Variants in FSTL4 observed in about 807,000 individuals in gnomAD.
FSTL4 encodes follistatin-related protein 4.
Under a neutral mutation model 78.2 loss-of-function variants are expected in FSTL4, and 28 were observed. That is an observed-to-expected ratio of 0.36 (90% confidence interval 0.27 to 0.49). FSTL4 has a LOEUF of 0.49. Ranked by LOEUF, FSTL4 falls within the 20% of genes least tolerant of loss-of-function variation. The pLI is 0.98. For missense variants in FSTL4, 922 were observed against 1,084.9 expected, an observed-to-expected ratio of 0.85 and a Z score of 2.11; for synonymous variants, 422 against 440.5, an observed-to-expected ratio of 0.96 and a Z score of 0.53.
intron 6 of FSTL4, among the ~76,000 whole-genome samples, chr5:133,309,628 C>A (rs1753731133): frequency 6.6e-6 from 1 of 152,080 alleles, no homozygotes. Flanking sequence ...GCAAGCATGG[C>A]CCAGCCAGGG....
the FSTL4 span, among the ~76,000 whole-genome samples, chr5:133,736,509 T>C: frequency 6.6e-6 from 1 of 152,054 alleles, no homozygotes; most frequent in East Asian, 1.9e-4. Context: ...AAAAGAAAAT[T>C]ATTTTGAAAC....
At chr5:133,817,424 G>A in the FSTL4 span, among the ~76,000 whole-genome samples, 1 of 150,240 alleles carries the variant, frequency 6.7e-6, no homozygotes. Flanking sequence ...TACCAGGTGT[G>A]GTGACAGTAA....
the FSTL4 span, among the ~76,000 whole-genome samples, chr5:133,699,880 CAAAA>C: frequency 1.6e-5 from 1 of 62,464 alleles, no homozygotes; most frequent in South Asian, 7.3e-4. Context: ...GACTCCATCT[CAAAA>C]AAAAAAAAAA....
intron 6 of FSTL4, among the ~76,000 whole-genome samples, chr5:133,276,293 C>G (rs10067533): frequency 0.11 from 16,016 of 152,202 alleles, 2,722 homozygotes; most frequent in African/African-American, 0.36. Context: ...ATGCTGGACC[C>G]CAGTGGAGAG....
chr5:133,780,021 T>G, the FSTL4 span, among the ~76,000 whole-genome samples: 1 of 152,074 alleles, frequency 6.6e-6, no homozygotes, highest in Non-Finnish European at 1.5e-5. Flanking sequence ...TGGGGAGCCC[T>G]GGAAACAGCA....
intron 3 of FSTL4, among the ~76,000 whole-genome samples, chr5:133,408,278 C>T (rs1360495794): frequency 1.3e-5 from 2 of 152,078 alleles, no homozygotes; most frequent in Non-Finnish European, 2.9e-5. Flanking sequence ...TTTCTCAATA[C>T]CACCCAAATC....
chr5:133,818,934 TATATATATATATGTAC>T, the FSTL4 span, among the ~76,000 whole-genome samples: 1 of 117,228 alleles, frequency 8.5e-6, no homozygotes, highest in African/African-American at 3.4e-5. Flanking sequence ...GAAGATACTA[TATATATATATATGTAC>T]ACACACACAC....
At chr5:133,561,205 A>C (rs1759906947) in intron 3 of FSTL4, among the ~76,000 whole-genome samples, 1 of 151,946 alleles carries the variant, frequency 6.6e-6, no homozygotes, top group African/African-American at 2.4e-5. Context: ...TGGAGACAGA[A>C]GAATGAACTG....
intron 3 of FSTL4, among the ~76,000 whole-genome samples, chr5:133,538,134 T>C (rs1330370709): frequency 6.6e-6 from 1 of 151,918 alleles, no homozygotes; most frequent in East Asian, 1.9e-4. Flanking sequence ...TTTTTCCTAG[T>C]CCAGGTTCGA....
intron 3 of FSTL4, among the ~76,000 whole-genome samples, chr5:133,447,040 C>T (rs968581428): frequency 6.6e-6 from 1 of 152,198 alleles, no homozygotes; most frequent in East Asian, 1.9e-4. Flanking sequence ...AGACTGTTCA[C>T]GGTGGGCTCC....
intron 14 of FSTL4, among the ~76,000 whole-genome samples, chr5:133,205,891 A>T (rs886302987): frequency 1.3e-5 from 2 of 152,186 alleles, no homozygotes; most frequent in African/African-American, 4.8e-5. Flanking sequence ...GGAATCCAGT[A>T]AGAATTAGGA....
intron 4 of FSTL4, among the ~76,000 whole-genome samples, chr5:133,325,603 G>C (rs932206171): frequency 6.6e-4 from 101 of 152,270 alleles, no homozygotes; most frequent in Non-Finnish European, 3.7e-4. Context: ...TTGCCTGGGT[G>C]GGGGATGGTG....
intron 4 of FSTL4, among the ~76,000 whole-genome samples, chr5:133,363,887 C>T (rs1177671216): frequency 2.6e-5 from 4 of 152,180 alleles, no homozygotes; most frequent in African/African-American, 4.8e-5. Flanking sequence ...GCTGAGCTGG[C>T]CTCACACTGA....
intron 4 of FSTL4, among the ~76,000 whole-genome samples, chr5:133,343,401 C>T (rs1451378087): frequency 2.0e-5 from 3 of 152,294 alleles, no homozygotes; most frequent in Non-Finnish European, 2.9e-5. Context: ...GGCTGGCCCA[C>T]GGCCACCTCT....
chr5:133,235,486 G>T (rs572100979), intron 7 of FSTL4, among the ~76,000 whole-genome samples: 1 of 133,870 alleles, frequency 7.5e-6, no homozygotes, highest in Non-Finnish European at 1.5e-5. Context: ...GTGACAGAGC[G>T]AGACCCCACC....
At chr5:133,279,234 T>C (rs1270883437) in intron 6 of FSTL4, among the ~76,000 whole-genome samples, 2 of 152,344 alleles carry the variant, frequency 1.3e-5, no homozygotes, top group East Asian at 1.9e-4. Flanking sequence ...CGGCGGGCAC[T>C]GAGTTCTGCC....
chr5:133,433,275 T>C (rs1756976097), intron 3 of FSTL4, among the ~76,000 whole-genome samples: 1 of 152,184 alleles, frequency 6.6e-6, no homozygotes, highest in Non-Finnish European at 1.5e-5. Flanking sequence ...ACTGTGCAAA[T>C]CCATTCCACC....
the FSTL4 span, among the ~76,000 whole-genome samples, chr5:133,817,118 C>G: frequency 5.3e-5 from 8 of 152,250 alleles, no homozygotes; most frequent in African/African-American, 1.9e-4. Flanking sequence ...TGTTGATGTT[C>G]ACTACCCCGC....
At chr5:133,456,027 C>T (rs887089149) in intron 3 of FSTL4, among the ~76,000 whole-genome samples, 2 of 152,160 alleles carry the variant, frequency 1.3e-5, no homozygotes, top group East Asian at 1.9e-4. Context: ...GTTCTACTTG[C>T]TACGTGTAAG....
Sources: gnomAD v4.1 joint callset for allele counts (sites outside exome capture counted in the v4.1 genomes callset) on GRCh38, gnomAD v4.1.1 for gene constraint, MANE v1.5 for transcripts, NCBI Gene and HGNC (gene_info 2026-07-23, HGNC 2026-07-21) for gene names.